LHFPL3: variants seen among roughly 807,000 people sequenced by gnomAD.
LHFPL3 encodes the protein LHFPL tetraspan subfamily member 3 protein.
LHFPL3 carries 5 observed loss-of-function variants against 19.3 expected under a neutral mutation model. That is an observed-to-expected ratio of 0.26 (90% CI 0.14 to 0.54). The LOEUF (loss-of-function observed/expected upper bound fraction) is 0.54. Among genes scored for constraint, LHFPL3 ranks in the 20% least tolerant of loss-of-function variants. The pLI is 0.94. For missense variants in LHFPL3, 249 were observed against 307.4 expected (o/e 0.81, Z 1.42); for synonymous variants, 133 against 126.2 (o/e 1.05, Z -0.36).
chr7:104,802,365 C>T (rs1426703817), intron 2 of LHFPL3, among the ~76,000 whole-genome samples: 1 of 151,704 alleles, frequency 6.6e-6, no homozygotes, highest in Non-Finnish European at 1.5e-5. Context: ...ATGGTGACAC[C>T]CACCTGTAAT....
chr7:104,431,543 T>C (rs1231880392), intron 1 of LHFPL3, among the ~76,000 whole-genome samples: 2 of 152,340 alleles, frequency 1.3e-5, no homozygotes, highest in South Asian at 2.1e-4. Context: ...TCTCTTGCAG[T>C]ATTCTCCTGC....
At chr7:104,814,664 C>T (rs1790531179) in intron 2 of LHFPL3, among the ~76,000 whole-genome samples, 1 of 152,184 alleles carries the variant, frequency 6.6e-6, no homozygotes, top group Non-Finnish European at 1.5e-5. Context: ...AGGTGCCAAG[C>T]GGCACCTATA....
rs564007793 is a variant in LHFPL3, at chr7:104,549,361, A to G, written c.446-187314A>G. ...GTAAATATTATTGATTAGGACAAAT[A>G]ATCATAATTCATTGAAATAGGGCTA... On this transcript the variant is annotated intron_variant, in intron 1 of 2. Coordinates refer to ENST00000424859, the MANE Select transcript of LHFPL3 (RefSeq NM_199000.3). 1.5e-4 allele frequency among the ~76,000 whole-genome samples: 23 copies of G among 152,078 alleles called. No homozygotes were observed. The South Asian group carries it at 4.8e-3, about 32-fold the overall frequency.
chr7:104,506,592 G>A (rs13242009), intron 1 of LHFPL3, among the ~76,000 whole-genome samples: 1 of 152,124 alleles, frequency 6.6e-6, no homozygotes, highest in Non-Finnish European at 1.5e-5. Context: ...AATCTCACTT[G>A]AGCCTCAGTG....
chr7:104,453,620 T>G (rs1358144671), intron 1 of LHFPL3, among the ~76,000 whole-genome samples: 1 of 152,118 alleles, frequency 6.6e-6, no homozygotes, highest in Non-Finnish European at 1.5e-5. Context: ...TTGATATAGT[T>G]TGGAAATTTA....
intron 2 of LHFPL3, among the ~76,000 whole-genome samples, chr7:104,815,828 T>C (rs1790551301): frequency 6.6e-6 from 1 of 152,068 alleles, no homozygotes; most frequent in South Asian, 2.1e-4. Flanking sequence ...CACAGGAAAG[T>C]TGTGAACTGC....
At chr7:104,620,929 G>A (rs1791433207) in intron 1 of LHFPL3, among the ~76,000 whole-genome samples, 2 of 152,232 alleles carry the variant, frequency 1.3e-5, no homozygotes, top group Non-Finnish European at 2.9e-5. Flanking sequence ...TTCTCCTGAA[G>A]ACAGTCTTTT....
intron 1 of LHFPL3, among the ~76,000 whole-genome samples, chr7:104,368,652 C>CGTGTGTGTGT (rs67849394): frequency 0.018 from 2,727 of 150,188 alleles, 42 homozygotes; most frequent in Non-Finnish European, 0.025. Context: ...CACACATGTA[C>CGTGTGTGTGT]GTGTGTGTGT....
At chr7:104,694,380 G>T (rs557422883) in intron 1 of LHFPL3, among the ~76,000 whole-genome samples, 1 of 152,308 alleles carries the variant, frequency 6.6e-6, no homozygotes, top group East Asian at 1.9e-4. Context: ...GGTCTATTGT[G>T]ATGAGGAAGC....
At chr7:104,547,242 CAAAAAAAAAAAAAAA>C (rs59524599) in intron 1 of LHFPL3, among the ~76,000 whole-genome samples, 2 of 9,638 alleles carry the variant, frequency 2.1e-4, no homozygotes, top group East Asian at 6.6e-3. Flanking sequence ...GACTCCGTCT[CAAAAAAAAAAAAAAA>C]AAAAAAAAAA....
At chr7:104,728,817 A>G (rs1245690175) in intron 1 of LHFPL3, among the ~76,000 whole-genome samples, 1 of 152,146 alleles carries the variant, frequency 6.6e-6, no homozygotes, top group Non-Finnish European at 1.5e-5. Context: ...TATCCCTAGC[A>G]CCAAGAACAG....
chr7:104,332,223 CTTTTT>C (rs1183733733), intron 1 of LHFPL3, among the ~76,000 whole-genome samples: 8 of 63,942 alleles, frequency 1.3e-4, no homozygotes, highest in African/African-American at 2.2e-4. Context: ...TATTTCTTTT[CTTTTT>C]TTTTTTTTTT....
chr7:104,513,646 T>C (rs1285234187), intron 1 of LHFPL3, among the ~76,000 whole-genome samples: 1 of 152,066 alleles, frequency 6.6e-6, no homozygotes, highest in Admixed American at 6.6e-5. Context: ...TCAAATACAA[T>C]TTCTCTCTCC....
chr7:104,787,870 G>T (rs1480779863), intron 2 of LHFPL3, among the ~76,000 whole-genome samples: 1 of 152,080 alleles, frequency 6.6e-6, no homozygotes, highest in Non-Finnish European at 1.5e-5. Flanking sequence ...CCATTCATGG[G>T]GGCTCCACCC....
intron 2 of LHFPL3, chr7:104,894,531 C>T (rs1792316235): frequency 6.6e-6 from 1 of 152,152 alleles, no homozygotes; most frequent in Non-Finnish European, 1.5e-5. Flanking sequence ...CACCTTCCAG[C>T]CAAAGGTCAA....
At chr7:104,845,610 T>G (rs975903002) in intron 2 of LHFPL3, 1 of 310,938 alleles carries the variant, frequency 3.2e-6, no homozygotes, top group Admixed American at 6.5e-5. Context: ...ATATTTTTAC[T>G]TCTCTCTCCC....
chr7:104,833,049 T>TATAATAGATATATTATATATA (rs1427274734), intron 2 of LHFPL3, among the ~76,000 whole-genome samples: 1 of 32,432 alleles, frequency 3.1e-5, no homozygotes, highest in Non-Finnish European at 6.2e-5. Context: ...ATATATTATA[T>TATAATAGATATATTATATATA]ATATATTATA....
chr7:104,396,863 A>G (rs923274316), intron 1 of LHFPL3, among the ~76,000 whole-genome samples: 22 of 151,990 alleles, frequency 1.4e-4, no homozygotes, highest in Non-Finnish European at 2.8e-4. Flanking sequence ...CTAGCTACTC[A>G]GGAGGCTGAG....
chr7:104,414,070 G>A (rs1462998271), intron 1 of LHFPL3, among the ~76,000 whole-genome samples: 1 of 151,476 alleles, frequency 6.6e-6, no homozygotes, highest in African/African-American at 2.4e-5. Context: ...TTGTAAATGT[G>A]GTACTGTATT....
Sources: gnomAD v4.1 joint callset for allele counts (sites outside exome capture counted in the v4.1 genomes callset) on GRCh38, gnomAD v4.1.1 for gene constraint, MANE v1.5 for transcripts, NCBI Gene and HGNC (gene_info 2026-07-23, HGNC 2026-07-21) for gene names.